The following ATP2C1 variants were observed in gnomAD, a reference collection of about 807,000 sequenced individuals.
ATP2C1 encodes the protein calcium-transporting ATPase type 2C member 1.
In ATP2C1, 31 loss-of-function variants were observed where a neutral mutation model predicts 120.5. That is an observed-to-expected ratio of 0.26 (90% CI 0.19 to 0.35). The LOEUF is 0.35. ATP2C1 is among the 10% of genes least tolerant of loss of function. The probability of loss-of-function intolerance (pLI) is 1.00; values close to 1 mark genes in which losing one functional copy is unlikely to be tolerated. For missense variants in ATP2C1, 731 were observed against 1,107.5 expected, an observed-to-expected ratio of 0.66 and a Z score of 4.83; for synonymous variants, 351 against 358.7, an observed-to-expected ratio of 0.98 and a Z score of 0.24.
chr3:130,934,648 T>G lies in ATP2C1; in HGVS notation c.261T>G (p.Leu87=). 2 of 1,613,448 alleles carry G rather than the reference T, an allele frequency of 1.2e-6. No individual in the cohort carries two copies. The highest frequency in any genetic ancestry group is 1.7e-6 in the Non-Finnish European group (2 of 1,179,408). Residue 87 remains leucine (L), a synonymous_variant, in exon 5 of 28, where the codon CTT becomes CTG. Coordinates refer to ENST00000510168, the MANE Select transcript of ATP2C1 (RefSeq NM_001378687.1). The stretch of plus-strand genomic sequence containing the variant: ...TTAAAAATCCCCTTATTATGCTGCT[T>G]CTGGCTTCTGCAGTCATCAGTGTTT... ...SQFKNPLIML[L]LASAVISVLM...
intron 8 of ATP2C1, among the ~76,000 whole-genome samples, chr3:130,947,328 G>A (rs952079139): frequency 2.6e-5 from 4 of 151,918 alleles, no homozygotes; most frequent in East Asian, 3.9e-4. Flanking sequence ...AAGGTGTATC[G>A]TTCAGTGGTT....
chr3:131,013,927 T>G (rs972266467), intron 26 of ATP2C1: 2 of 603,056 alleles, frequency 3.3e-6, no homozygotes, highest in African/African-American at 3.8e-5. Flanking sequence ...AACTTGGAAT[T>G]CAGATTATTG....
chr3:130,954,158 G>A lies in ATP2C1; in HGVS notation c.687+182G>A, dbSNP rs374653316. The stretch of plus-strand genomic sequence containing the variant: ...TGTGTCCCCAAAGTATAATATTTCC[G>A]TAGTTCTGCTATTTCCCAGATAATG... On this transcript the variant is annotated intron_variant, in intron 9 of 27. Transcript: ENST00000510168. Among the ~76,000 whole-genome samples the A allele has an allele frequency of 1.7e-4, 26 of 152,176 alleles. No individual in the cohort carries two copies. In the East Asian group the frequency reaches 4.2e-3, roughly 25 times the overall value.
intron 26 of ATP2C1, among the ~76,000 whole-genome samples, chr3:131,008,219 C>G (rs1040893129): frequency 6.6e-6 from 1 of 152,064 alleles, no homozygotes; most frequent in Admixed American, 6.6e-5. Context: ...AGGCGGGTTG[C>G]TTGAGGCCAG....
rs2059590900 is a variant in ATP2C1, at chr3:130,934,648, T to C, written c.261T>C (p.Leu87=). The C allele has an allele frequency of 1.9e-6, 3 of 1,613,448 alleles. No homozygotes were observed. Among genetic ancestry groups the C allele is most frequent in the Non-Finnish European group, 2.5e-6 (3 of 1,179,408 alleles). Residue 87 remains leucine (L), a synonymous_variant, in exon 5 of 28, where the codon CTT becomes CTC. Coordinates refer to ENST00000510168, the MANE Select transcript of ATP2C1 (RefSeq NM_001378687.1). ...SQFKNPLIML[L]LASAVISVLM... ...TTAAAAATCCCCTTATTATGCTGCT[T>C]CTGGCTTCTGCAGTCATCAGTGTTT...
intron 2 of ATP2C1, among the ~76,000 whole-genome samples, chr3:130,904,806 C>T (rs916917621): frequency 2.0e-5 from 3 of 151,992 alleles, no homozygotes; most frequent in African/African-American, 7.2e-5. Flanking sequence ...TTCACTCATT[C>T]TTACTATATT....
intron 2 of ATP2C1, among the ~76,000 whole-genome samples, chr3:130,906,381 T>C (rs2058121046): frequency 6.6e-6 from 1 of 152,100 alleles, no homozygotes; most frequent in Non-Finnish European, 1.5e-5. Context: ...CTTCATTTCT[T>C]TTTGCGATGA....
intron 20 of ATP2C1, among the ~76,000 whole-genome samples, chr3:130,985,334 A>G (rs1435341020): frequency 1.3e-5 from 2 of 152,188 alleles, no homozygotes; most frequent in African/African-American, 4.8e-5. Flanking sequence ...AAAGGAAACT[A>G]AAAAAAGAAA....
At chr3:130,952,609 G>A (rs917247392) in intron 8 of ATP2C1, among the ~76,000 whole-genome samples, 1 of 152,180 alleles carries the variant, frequency 6.6e-6, no homozygotes, top group Non-Finnish European at 1.5e-5. Flanking sequence ...CAGTGATACT[G>A]TGCAGTAATT....
intron 20 of ATP2C1, 117 bp downstream of exon 20, chr3:130,980,796 G>T (rs1378524846): frequency 5.1e-6 from 4 of 784,202 alleles, no homozygotes; most frequent in Non-Finnish European, 8.7e-6. Flanking sequence ...ATAACCACCA[G>T]ATTTGTTGGT....
At chr3:130,986,206 C>A (rs550159338) in intron 20 of ATP2C1, among the ~76,000 whole-genome samples, 1 of 141,598 alleles carries the variant, frequency 7.1e-6, no homozygotes, top group Non-Finnish European at 1.5e-5. Context: ...TTTTGGTGCA[C>A]GTCCTATCCT....
intron 2 of ATP2C1, among the ~76,000 whole-genome samples, chr3:130,900,163 T>C (rs927816940): frequency 3.3e-5 from 5 of 152,018 alleles, no homozygotes; most frequent in African/African-American, 1.2e-4. Flanking sequence ...CCTGGACTAA[T>C]GCGATCTCCC....
chr3:130,908,924 G>GTT (rs1174185996), intron 2 of ATP2C1, among the ~76,000 whole-genome samples: 1 of 152,096 alleles, frequency 6.6e-6, no homozygotes, highest in Non-Finnish European at 1.5e-5. Context: ...TCTACATATT[G>GTT]TAAGTATGGG....
intron 6 of ATP2C1, 55 bp downstream of exon 6, chr3:130,937,518 A>G (rs1051214371): frequency 1.4e-6 from 2 of 1,479,836 alleles, no homozygotes; most frequent in Non-Finnish European, 1.9e-6. Context: ...TTAAAAATCA[A>G]GGTGTCTTGT....
In ATP2C1 at chr3:130,933,303, G is replaced by T. The variant is rs116197736; in HGVS notation, c.234+1165G>T. ...TCTGCAGCCTGCCATCCATCAAGTGGTGTGCTTAGTAATGTGGCACAGCTT... is the reference window on the plus strand; with the variant it reads ...TCTGCAGCCTGCCATCCATCAAGTGTTGTGCTTAGTAATGTGGCACAGCTT... On this transcript the variant is annotated intron_variant, in intron 4 of 27. Transcript: ENST00000510168. Among the ~76,000 whole-genome samples the T allele has an allele frequency of 4.7e-3, 712 of 152,280 alleles. 5 individuals carry two copies. The highest frequency in any genetic ancestry group is 0.016 in the African/African-American group (649 of 41,552).
At chr3:131,012,314 G>C (rs867094746) in intron 26 of ATP2C1, among the ~76,000 whole-genome samples, 1 of 140,730 alleles carries the variant, frequency 7.1e-6, no homozygotes, top group Non-Finnish European at 1.5e-5. Flanking sequence ...CTGGAGTACA[G>C]TGGCGCCATC....
Position 130,957,391 on chromosome 3 carries a change from A to T in ATP2C1, c.832+1212A>T, listed in dbSNP as rs1313702613. Among the ~76,000 whole-genome samples the T allele has an allele frequency of 4.6e-5, 7 of 152,094 alleles. No individual in the cohort carries two copies. The East Asian group carries it at 1.3e-3, about 29-fold the overall frequency. Reference sequence around the variant, plus strand: ...AGTTTTAACTTTTTTACTCAAGTTAATTATCCCATTAATTCTGTAATCCAG... The same window carrying T: ...AGTTTTAACTTTTTTACTCAAGTTATTTATCCCATTAATTCTGTAATCCAG... On this transcript the variant is annotated intron_variant, in intron 11 of 27. Coordinates refer to ENST00000510168, the MANE Select transcript of ATP2C1 (RefSeq NM_001378687.1).
intron 1 of ATP2C1, among the ~76,000 whole-genome samples, chr3:130,888,984 T>C (rs2069074459): frequency 6.6e-6 from 1 of 152,354 alleles, no homozygotes; most frequent in Middle Eastern, 3.4e-3. Context: ...GAGTTATACA[T>C]ACATTTAAGA....
intron 1 of ATP2C1, among the ~76,000 whole-genome samples, chr3:130,865,603 C>T (rs2068148325): frequency 6.6e-6 from 1 of 152,180 alleles, no homozygotes; most frequent in Non-Finnish European, 1.5e-5. Context: ...GTAATTGAAT[C>T]ATAGGGGCCA....
Sources: allele counts gnomAD v4.1 joint callset (sites outside exome capture counted in the v4.1 genomes callset), GRCh38; gene constraint gnomAD v4.1.1; transcripts MANE v1.5; gene names NCBI Gene and HGNC (gene_info 2026-07-23, HGNC 2026-07-21).